The following MINAR2 variants were observed in gnomAD, a reference collection of about 807,000 sequenced individuals.
The protein encoded by MINAR2 is major intrinsically disordered NOTCH2-binding receptor 1-like.
Under a neutral mutation model 16.1 loss-of-function variants are expected in MINAR2, and 21 were observed. The observed-to-expected ratio is 1.31, with a 90% CI of 0.93 to 1.88. The LOEUF (loss-of-function observed/expected upper bound fraction) is 1.88. MINAR2 is among the 40% of genes most tolerant of loss of function. The probability of loss-of-function intolerance (pLI) is 0.00; values close to 1 mark genes in which losing one functional copy is unlikely to be tolerated. For missense variants in MINAR2, 259 were observed against 229.8 expected (o/e 1.13, Z -0.82); for synonymous variants, 86 against 83.0 (o/e 1.04, Z -0.20).
intron 2 of MINAR2, among the ~76,000 whole-genome samples, chr5:129,763,978 T>G (rs577102596): frequency 6.6e-6 from 1 of 152,178 alleles, no homozygotes; most frequent in Non-Finnish European, 1.5e-5. Flanking sequence ...TAATGAAGCA[T>G]GAAGTAGGTT....
At chr5:129,760,156 T>C (rs897723118) in intron 1 of MINAR2, among the ~76,000 whole-genome samples, 5 of 152,304 alleles carry the variant, frequency 3.3e-5, no homozygotes, top group Non-Finnish European at 5.9e-5. Flanking sequence ...AGCATTTTAA[T>C]GAATGATTAG....
chr5:129,749,089 T>TGTTC (rs1757954590), intron 1 of MINAR2, among the ~76,000 whole-genome samples: 2 of 152,134 alleles, frequency 1.3e-5, no homozygotes, highest in Non-Finnish European at 2.9e-5. Context: ...ATAAAGGCCC[T>TGTTC]AACTGTTGCA....
rs1758224536 is a variant in MINAR2 at position 129,766,664 on chromosome 5, ACAAAC to A, written c.*1602_*1606del. 1.4e-5 allele frequency: 2 copies of A among 146,604 alleles called. No homozygotes were observed. Among genetic ancestry groups the A allele is most frequent in the African/African-American group, 5.3e-5 (2 of 37,846 alleles). 9.1% of individuals were successfully genotyped at this position (146,604 alleles called of 1,614,324 possible). A position where few individuals can be genotyped will look rare whatever the true frequency, so the allele number is the denominator to read the frequency against. On this transcript the variant is annotated 3_prime_UTR_variant, in exon 3 of 3. Transcript: ENST00000564719. ...AAAAAAAAAAAAAAAAAACAAACAA[ACAAAC>A]AAAAAAAACCCCAAAAAAAGAGACA...
chr5:129,753,206 C>T (rs1371341815), intron 1 of MINAR2, among the ~76,000 whole-genome samples: 4 of 151,936 alleles, frequency 2.6e-5, no homozygotes, highest in Non-Finnish European at 4.4e-5. Context: ...GTGCTGGGGC[C>T]GGGTGCCATG....
chr5:129,764,935 T>G lies in MINAR2; in HGVS notation c.445T>G (p.Phe149Val), dbSNP rs187029540. The G allele has an allele frequency of 5.3e-5, 74 of 1,397,494 alleles. No individual in the cohort carries two copies. The African/African-American group carries it at 1.0e-3, about 19-fold the overall frequency. The allele number at this position is 1,397,494 out of a possible 1,614,324, so 86.6% of individuals were successfully genotyped here. Residue 149 changes from phenylalanine to valine, a missense_variant, in exon 3 of 3, where the codon TTT becomes GTT. Transcript: ENST00000564719. ...FWLGDMYTPG[F>V]DTLLKKEEKQ... The stretch of plus-strand genomic sequence containing the variant: ...GTTGGGAGACATGTACACTCCAGGT[T>G]TTGACACTTTATTGAAAAAGGAAGA...
chr5:129,760,375 T>C lies in MINAR2; in HGVS notation c.166-3T>C. The stretch of plus-strand genomic sequence containing the variant: ...AGAGATGCCTTGTTTCTTTGCCTCT[T>C]AGAGGGAAAAGAAGAATATTGCTGC... On this transcript the variant is annotated splice_polypyrimidine_tract_variant and splice_region_variant and intron_variant, in intron 1 of 2. Coordinates refer to ENST00000564719, the MANE Select transcript of MINAR2 (RefSeq NM_001257308.2). 6.5e-7 allele frequency: 1 copy of C among 1,534,868 alleles called. No homozygotes were observed. Among genetic ancestry groups the C allele is most frequent in the Non-Finnish European group, 8.7e-7 (1 of 1,146,102 alleles).
rs61590284 is a variant in MINAR2 at position 129,765,873 on chromosome 5, G to A, written c.*810G>A. The A allele has an allele frequency of 0.18, 27,244 of 152,086 alleles. 2,646 individuals are homozygous for A. Among genetic ancestry groups the A allele is most frequent in the East Asian group, 0.31 (1,574 of 5,150 alleles). The allele number at this position is 152,086 out of a possible 1,614,324, so 9.4% of individuals were successfully genotyped here. On this transcript the variant is annotated 3_prime_UTR_variant, in exon 3 of 3. Coordinates refer to ENST00000564719, the MANE Select transcript of MINAR2 (RefSeq NM_001257308.2). ...TACTGCTAAGAGAACAGAGTTTGAA[G>A]CCTAACTGCTACTTGCTAACAGACT... is the stretch of plus-strand genomic sequence containing the variant.
In MINAR2 at chr5:129,765,179, T is replaced by A. The variant is rs113240607; in HGVS notation, c.*116T>A. The A allele has an allele frequency of 2.1e-4, 105 of 497,146 alleles. No homozygotes were observed. Among genetic ancestry groups the A allele is most frequent in the African/African-American group, 1.8e-3 (93 of 50,606 alleles). The allele number at this position is 497,146 out of a possible 1,614,324, so 30.8% of individuals were successfully genotyped here. ...ACATGTACATGCAGTGTGAATGGAT[T>A]GTTGATTGTATTATTAAATGTAATT... On this transcript the variant is annotated 3_prime_UTR_variant, in exon 3 of 3. Coordinates refer to ENST00000564719, the MANE Select transcript of MINAR2 (RefSeq NM_001257308.2).
chr5:129,760,894 A>T (rs1758126953), intron 2 of MINAR2, among the ~76,000 whole-genome samples: 1 of 152,190 alleles, frequency 6.6e-6, no homozygotes, highest in African/African-American at 2.4e-5. Flanking sequence ...TTTATTGAAA[A>T]TTAATTTGCA....
chr5:129,760,469 C>T lies in MINAR2; in HGVS notation c.257C>T (p.Ser86Leu). Residue 86 changes from serine to leucine, a missense_variant, in exon 2 of 3, where the codon TCA (serine) becomes TTA (leucine). Transcript: ENST00000564719. ...TADSPPPSMS[S>L]VMKNNPLYGD... is the part of the protein sequence containing the mutation. Reference sequence around the variant, plus strand: ...GATAGCCCCCCACCATCCATGTCATCAGTTATGAAGAATAACCCACTCTAT... The same window carrying T: ...GATAGCCCCCCACCATCCATGTCATTAGTTATGAAGAATAACCCACTCTAT... The T allele has an allele frequency of 6.5e-7, 1 of 1,535,842 alleles. No homozygotes were observed.
intron 1 of MINAR2, among the ~76,000 whole-genome samples, chr5:129,758,012 TTCTA>T (rs1377964037): frequency 2.6e-5 from 4 of 152,020 alleles, no homozygotes; most frequent in Non-Finnish European, 4.4e-5. Flanking sequence ...CAAAAATGCC[TTCTA>T]TCTCACTCTC....
At position 129,765,136 on chromosome 5, in the gene MINAR2, C is replaced by T. The variant is rs537399451; in HGVS notation, c.*73C>T. On this transcript the variant is annotated 3_prime_UTR_variant, in exon 3 of 3. Coordinates refer to ENST00000564719, the MANE Select transcript of MINAR2 (RefSeq NM_001257308.2). ...TGATAAACATTTGAAACCCCCCCCACCAAAATAACAAAAAAACACATGTAC... is the reference window on the plus strand; with the variant it reads ...TGATAAACATTTGAAACCCCCCCCATCAAAATAACAAAAAAACACATGTAC... The T allele has an allele frequency of 1.1e-6, 1 of 871,112 alleles. No individual in the cohort carries two copies. The allele number at this position is 871,112 out of a possible 1,614,324, so 54.0% of individuals were successfully genotyped here. A position where few individuals can be genotyped will look rare whatever the true frequency, so the allele number is the denominator to read the frequency against.
At chr5:129,758,492 G>T (rs1044175411) in intron 1 of MINAR2, among the ~76,000 whole-genome samples, 20 of 151,936 alleles carry the variant, frequency 1.3e-4, no homozygotes, top group South Asian at 8.3e-4. Context: ...TAGAAATAAG[G>T]GTTTGAATGT....
intron 1 of MINAR2, among the ~76,000 whole-genome samples, chr5:129,748,748 G>A (rs1311942106): frequency 2.0e-5 from 3 of 152,054 alleles, no homozygotes; most frequent in Admixed American, 6.6e-5. Flanking sequence ...TACATTGTGG[G>A]CATAAACAAG....
chr5:129,753,892 T>G (rs893628579), intron 1 of MINAR2, among the ~76,000 whole-genome samples: 3 of 152,078 alleles, frequency 2.0e-5, no homozygotes, highest in South Asian at 2.1e-4. Flanking sequence ...CATTTCTCCT[T>G]TCTAAGCTTA....
At chr5:129,764,641 G>A (rs952303081) in intron 2 of MINAR2, among the ~76,000 whole-genome samples, 2 of 152,130 alleles carry the variant, frequency 1.3e-5, no homozygotes, top group Admixed American at 1.3e-4. Context: ...AATTAATTCT[G>A]ATGCAGACCT....
Position 129,764,960 on chromosome 5 carries a change from A to G in MINAR2, c.470A>G (p.Glu157Gly). The G allele has an allele frequency of 7.1e-7, 1 of 1,406,268 alleles. No individual in the cohort carries two copies. The highest frequency in any genetic ancestry group is 9.3e-7 in the Non-Finnish European group (1 of 1,079,484). 87.1% of individuals were successfully genotyped at this position (1,406,268 alleles called of 1,614,324 possible). ...PGFDTLLKKEEKQEKHSKFCR... is the reference protein window; with the variant it reads ...PGFDTLLKKEGKQEKHSKFCR... ...TTTGACACTTTATTGAAAAAGGAAG[A>G]GAAACAAGAGAAGCATTCAAAATTC... is the stretch of plus-strand genomic sequence containing the variant. Residue 157 changes from glutamate to glycine, a missense_variant, in exon 3 of 3, where the codon GAG becomes GGG. Physicochemically the swap from Glu to Gly is moderately conservative, Grantham distance 98. Coordinates refer to ENST00000564719, the MANE Select transcript of MINAR2 (RefSeq NM_001257308.2).
At chr5:129,750,015 A>G (rs1476349228) in intron 1 of MINAR2, among the ~76,000 whole-genome samples, 1 of 152,228 alleles carries the variant, frequency 6.6e-6, no homozygotes, top group East Asian at 1.9e-4. Flanking sequence ...TAGCCTAAGA[A>G]GAAATGTTAA....
chr5:129,749,142 G>A (rs971004800), intron 1 of MINAR2, among the ~76,000 whole-genome samples: 17 of 152,168 alleles, frequency 1.1e-4, no homozygotes, highest in Non-Finnish European at 2.1e-4. Context: ...AGACATGAAG[G>A]CTAATGGGGT....
Sources: gnomAD v4.1 joint callset for allele counts (sites outside exome capture counted in the v4.1 genomes callset) on GRCh38, gnomAD v4.1.1 for gene constraint, MANE v1.5 for transcripts, NCBI Gene and HGNC (gene_info 2026-07-23, HGNC 2026-07-21) for gene names.